DDX60L: variants seen among roughly 807,000 people sequenced by gnomAD.
DDX60L encodes DExD/H-box 60 like.
Under a neutral mutation model 211.6 loss-of-function variants are expected in DDX60L, and 191 were observed. The observed-to-expected ratio is 0.90, with a 90% CI of 0.80 to 1.02. DDX60L has a LOEUF of 1.02. Ranked by LOEUF, DDX60L falls within the 50% of genes least tolerant of loss-of-function variation. DDX60L has a pLI of 0.00. For synonymous variants in DDX60L, 706 were observed against 694.1 expected, an observed-to-expected ratio of 1.02 and a Z score of -0.27; for missense variants, 2,007 against 1,984.1, an observed-to-expected ratio of 1.01 and a Z score of -0.22.
intron 22 of DDX60L, 131 bp downstream of exon 22, chr4:168,415,272 GAATAA>G (rs1024933758): frequency 8.7e-6 from 4 of 461,042 alleles, no homozygotes; most frequent in Admixed American, 4.1e-5. Context: ...AAAAATCAAT[GAATAA>G]AATAAAAGAA....
At chr4:168,363,163 G>A (rs185832305) in intron 36 of DDX60L, among the ~76,000 whole-genome samples, 42 of 152,162 alleles carry the variant, frequency 2.8e-4, no homozygotes, top group African/African-American at 9.2e-4. Context: ...TATTCAAAGC[G>A]CTGAAAGAAA....
chr4:168,432,743 G>A (rs558926178), intron 11 of DDX60L, among the ~76,000 whole-genome samples, 173 bp from the exon 12 acceptor site: 10 of 151,298 alleles, frequency 6.6e-5, no homozygotes, highest in Admixed American at 2.0e-4. Flanking sequence ...TCCTGTAACA[G>A]TCACATCCAC....
chr4:168,392,374 A>C (rs1744984594), intron 28 of DDX60L, among the ~76,000 whole-genome samples: 1 of 152,158 alleles, frequency 6.6e-6, no homozygotes, highest in African/African-American at 2.4e-5. Context: ...CCTGTGCCAT[A>C]ATTATTTCAA....
At position 168,433,100 on chromosome 4, in the gene DDX60L, T is replaced by C. The variant is rs1157234992; in HGVS notation, c.1310A>G (p.Lys437Arg). 1.2e-6 allele frequency: 2 copies of C among 1,603,512 alleles called. No individual in the cohort carries two copies. Among genetic ancestry groups the C allele is most frequent in the African/African-American group, 2.7e-5 (2 of 74,704 alleles). ...TGGAATAAAGCCCACACTAGGCATC[T>C]TTTCCAAGGAGATTTCTGAAAACAA... ...KSVIQEISLE[K>R]MPSVGFIPMT... Residue 437 changes from lysine to arginine, a missense_variant, in exon 11 of 38, where the codon AAG (lysine) becomes AGG (arginine). Physicochemically the swap from Lys to Arg is conservative, Grantham distance 26 (BLOSUM62 2). Transcript: ENST00000682922.
chr4:168,449,106 G>A (rs1463753108), intron 8 of DDX60L, among the ~76,000 whole-genome samples: 4 of 152,146 alleles, frequency 2.6e-5, no homozygotes, highest in African/African-American at 9.7e-5. Flanking sequence ...AGGCCTGCAT[G>A]AGTACATTTA....
At chr4:168,399,390 T>C (rs1238606753) in intron 26 of DDX60L, among the ~76,000 whole-genome samples, 2 of 152,170 alleles carry the variant, frequency 1.3e-5, no homozygotes, top group Non-Finnish European at 2.9e-5. Flanking sequence ...TGGAAGCTGC[T>C]TGCAGTACGC....
At chr4:168,416,394 T>C (rs1565265) in intron 20 of DDX60L, among the ~76,000 whole-genome samples, 16,931 of 152,146 alleles carry the variant, frequency 0.11, 1,304 homozygotes, top group East Asian at 0.16. Context: ...GATGTTTTCC[T>C]TCTCTAACTT....
chr4:168,366,408 A>T (rs529956200), intron 36 of DDX60L, among the ~76,000 whole-genome samples: 32 of 152,282 alleles, frequency 2.1e-4, no homozygotes, highest in African/African-American at 5.8e-4. Flanking sequence ...ACAAAAAATT[A>T]GATAATAAAT....
chr4:168,434,175 T>C (rs1752736361), intron 10 of DDX60L, among the ~76,000 whole-genome samples: 1 of 152,112 alleles, frequency 6.6e-6, no homozygotes, highest in South Asian at 2.1e-4. Context: ...GTATATCGTA[T>C]ATGAGACTCA....
intron 14 of DDX60L, 60 bp from the exon 15 acceptor site, chr4:168,423,834 T>G: frequency 3.6e-6 from 4 of 1,112,824 alleles, no homozygotes; most frequent in Non-Finnish European, 5.1e-6. Context: ...GTTGATCACT[T>G]ACGACAATCA....
intron 4 of DDX60L, among the ~76,000 whole-genome samples, chr4:168,463,771 C>A (rs559716426): frequency 2.6e-5 from 4 of 152,180 alleles, no homozygotes; most frequent in Non-Finnish European, 5.9e-5. Flanking sequence ...CAAATATAGA[C>A]TAGAATTCTT....
At chr4:168,379,915 T>G in intron 30 of DDX60L, 85 bp from the exon 31 acceptor site, 1 of 832,158 alleles carries the variant, frequency 1.2e-6, no homozygotes, top group Non-Finnish European at 1.8e-6. Flanking sequence ...ACATACATAC[T>G]ATATAGATAA....
intron 1 of DDX60L, 32 bp from the exon 2 acceptor site, chr4:168,472,841 A>G (rs568531164): frequency 9.2e-6 from 8 of 873,730 alleles, no homozygotes; most frequent in Admixed American, 2.7e-5. Context: ...AACTGCAGTT[A>G]TTCCTAAAAC....
intron 24 of DDX60L, among the ~76,000 whole-genome samples, chr4:168,405,290 G>C (rs1002653800): frequency 3.3e-5 from 5 of 152,084 alleles, no homozygotes; most frequent in Non-Finnish European, 7.3e-5. Flanking sequence ...TTATAGGTGT[G>C]AGCCACCACT....
rs1756044674 is a variant in DDX60L, at chr4:168,453,198, G to T, written c.922C>A (p.Pro308Thr). Residue 308 changes from proline (P) to threonine (T), a missense_variant, in exon 8 of 38, where the codon CCC (proline) becomes ACC (threonine). Pro to Thr is a conservative substitution (Grantham distance 38, BLOSUM62 -1). Coordinates refer to ENST00000682922, the MANE Select transcript of DDX60L (RefSeq NM_001012967.3). ...CGAGAACAAGCTCTCTGAGAAAGGGGTAAGTGGAGTTGAAAAGCCACACAG... is the reference window on the plus strand; with the variant it reads ...CGAGAACAAGCTCTCTGAGAAAGGGTTAAGTGGAGTTGAAAAGCCACACAG... ...CLCVAFQLHL[P>T]LSQRACSRVI... 6.2e-7 allele frequency: 1 copy of T among 1,613,424 alleles called. No individual in the cohort carries two copies. The highest frequency in any genetic ancestry group is 1.3e-5 in the African/African-American group (1 of 75,000).
rs972509634 is a variant in DDX60L at position 168,384,354 on chromosome 4, G to A, written c.4116+258C>T. Among the ~76,000 whole-genome samples, 7 of 152,074 alleles carry A rather than the reference G, an allele frequency of 4.6e-5. 1 individual carries two copies. The highest frequency in any genetic ancestry group is 3.9e-4 in the Admixed American group (6 of 15,256). On this transcript the variant is annotated intron_variant, in intron 30 of 37. Transcript: ENST00000682922. ...AAATAAAAATTAGCTGGGCATGGTG[G>A]TGTACACCTGTAGTCCCAGCTACTT...
chr4:168,400,102 T>C (rs983510792), intron 26 of DDX60L, among the ~76,000 whole-genome samples: 2 of 152,190 alleles, frequency 1.3e-5, no homozygotes, highest in African/African-American at 4.8e-5. Flanking sequence ...TACTTATAAG[T>C]GAGAACATGT....
intron 21 of DDX60L, 39 bp downstream of exon 21, chr4:168,415,618 A>T (rs1158941815): frequency 9.6e-5 from 140 of 1,454,050 alleles, no homozygotes; most frequent in Non-Finnish European, 1.3e-4. Context: ...GTAGTAAAAT[A>T]TAAAAATATA....
rs926256168 is a variant in DDX60L at position 168,370,805 on chromosome 4, T to C, written c.4928+807A>G. 5.9e-5 allele frequency among the ~76,000 whole-genome samples: 9 copies of C among 151,528 alleles called. 1 individual carries two copies. The highest frequency in any genetic ancestry group is 2.2e-4 in the African/African-American group (9 of 40,866). Reference sequence around the variant, plus strand: ...TATTTAAAAATGTATGTAAAATACATATAGAATTCCTGAATCACTGTTTAA... The same window carrying C: ...TATTTAAAAATGTATGTAAAATACACATAGAATTCCTGAATCACTGTTTAA... On this transcript the variant is annotated intron_variant, in intron 36 of 37. Coordinates refer to ENST00000682922, the MANE Select transcript of DDX60L (RefSeq NM_001012967.3).
Sources: allele counts gnomAD v4.1 joint callset (sites outside exome capture counted in the v4.1 genomes callset), GRCh38; gene constraint gnomAD v4.1.1; transcripts MANE v1.5; gene names NCBI Gene and HGNC (gene_info 2026-07-23, HGNC 2026-07-21).